Variants in CELF2 observed in about 807,000 individuals in gnomAD.
CELF2 encodes CUGBP Elav-like family member 2.
In CELF2, 8 loss-of-function variants were observed where a neutral mutation model predicts 62.6. The observed-to-expected ratio is 0.13, with a 90% CI of 0.07 to 0.23. The LOEUF is 0.23. Ranked by LOEUF, CELF2 falls within the 10% of genes least tolerant of loss-of-function variation. CELF2 has a pLI of 1.00. For synonymous variants in CELF2, 258 were observed against 250.0 expected, an observed-to-expected ratio of 1.03 and a Z score of -0.30; for missense variants, 333 against 671.0, an observed-to-expected ratio of 0.50 and a Z score of 5.56.
the CELF2 span, among the ~76,000 whole-genome samples, chr10:10,644,961 G>C: frequency 6.6e-5 from 10 of 152,184 alleles, no homozygotes; most frequent in Middle Eastern, 3.2e-3. Flanking sequence ...TCAAGGCACT[G>C]TGTGGAAAAT....
intron 1 of CELF2, among the ~76,000 whole-genome samples, chr10:11,155,621 G>A (rs992225994): frequency 1.3e-5 from 2 of 152,248 alleles, no homozygotes; most frequent in Non-Finnish European, 2.9e-5. Flanking sequence ...GAGTTTGAAG[G>A]CATTTTTGGG....
intron 1 of CELF2, among the ~76,000 whole-genome samples, chr10:11,085,259 A>G (rs61830440): frequency 0.023 from 3,526 of 152,336 alleles, 71 homozygotes; most frequent in South Asian, 0.049. Flanking sequence ...CTAGACCCAA[A>G]GTAAAGTGCT....
intron 1 of CELF2, among the ~76,000 whole-genome samples, chr10:10,845,086 A>C (rs2058925950): frequency 6.6e-6 from 1 of 152,130 alleles, no homozygotes; most frequent in Admixed American, 6.6e-5. Context: ...CACAGCCTGT[A>C]ATATTTAAAT....
the CELF2 span, among the ~76,000 whole-genome samples, chr10:10,557,528 G>A: frequency 8.2e-3 from 1,194 of 146,180 alleles, 11 homozygotes; most frequent in Non-Finnish European, 0.012. Flanking sequence ...CTCTTTTTTG[G>A]TTCCATATGA....
intron 1 of CELF2, among the ~76,000 whole-genome samples, chr10:11,119,138 T>C (rs2057190034): frequency 6.6e-6 from 1 of 152,218 alleles, no homozygotes; most frequent in Non-Finnish European, 1.5e-5. Context: ...TGCCACCATG[T>C]CACCTTCTGT....
At chr10:10,466,259 G>A in the CELF2 span, among the ~76,000 whole-genome samples, 2 of 152,110 alleles carry the variant, frequency 1.3e-5, no homozygotes, top group South Asian at 2.1e-4. Context: ...TTTGTATTCT[G>A]TCACTATAGA....
intron 2 of CELF2, among the ~76,000 whole-genome samples, chr10:11,216,707 G>A (rs1228265262): frequency 3.9e-5 from 6 of 152,160 alleles, no homozygotes; most frequent in Admixed American, 1.3e-4. Flanking sequence ...CGGAAGGGCC[G>A]GGGACTCCCA....
At position 11,177,276 on chromosome 10, in the gene CELF2, C is replaced by T. The variant is rs924909580; in HGVS notation, c.271+11594C>T. Among the ~76,000 whole-genome samples the T allele has an allele frequency of 6.6e-6, 1 of 152,090 alleles. No individual in the cohort carries two copies. Among genetic ancestry groups the T allele is most frequent in the Admixed American group, 6.5e-5 (1 of 15,274 alleles). ...TAGCAATTCTGAGTAAGTTCCTTCT[C>T]ATGTAGTTAATGCAGCATGATGAAA... is the stretch of plus-strand genomic sequence containing the variant. On this transcript the variant is annotated intron_variant, in intron 2 of 12. Transcript: ENST00000633077. This position sits in a 1 kb window ranked among gnomAD's most constrained non-coding sequence, Gnocchi z 4.8.
chr10:10,747,894 T>C, the CELF2 span, among the ~76,000 whole-genome samples: 1 of 152,250 alleles, frequency 6.6e-6, no homozygotes, highest in South Asian at 2.1e-4. Flanking sequence ...CTTCTCTTAG[T>C]AGAGATGGGG....
chr10:10,821,009 A>C (rs1412138330), intron 1 of CELF2, among the ~76,000 whole-genome samples: 1 of 152,222 alleles, frequency 6.6e-6, no homozygotes, highest in Non-Finnish European at 1.5e-5. Context: ...GGCTAGAGAA[A>C]AGTGGATAGA....
chr10:10,691,130 A>T, the CELF2 span, among the ~76,000 whole-genome samples: 2 of 151,772 alleles, frequency 1.3e-5, no homozygotes, highest in Non-Finnish European at 2.9e-5. Flanking sequence ...AGCATTAGGT[A>T]TATCTCCCAG....
Position 11,017,983 on chromosome 10 carries a change from C to A in CELF2, c.-107C>A. On this transcript the variant is annotated 5_prime_UTR_variant, in exon 1 of 13. Transcript: ENST00000633077. This position sits in a 1 kb window ranked among gnomAD's most constrained non-coding sequence, Gnocchi z 5.5. ...GTGACAAGTGCCGGCTCGGCGGCCG[C>A]CGGGGGAGGCCGCGCGCACCTGTCC... is the stretch of plus-strand genomic sequence containing the variant. The A allele has an allele frequency of 2.0e-6, 2 of 992,326 alleles. No individual in the cohort carries two copies. Among genetic ancestry groups the A allele is most frequent in the Non-Finnish European group, 2.4e-6 (2 of 835,654 alleles). 61.5% of individuals were successfully genotyped at this position (992,326 alleles called of 1,614,324 possible). A position where few individuals can be genotyped will look rare whatever the true frequency, so the allele number is the denominator to read the frequency against.
At chr10:10,989,824 A>G (rs1266139510) in intron 2 of CELF2, among the ~76,000 whole-genome samples, 3 of 152,152 alleles carry the variant, frequency 2.0e-5, no homozygotes, top group African/African-American at 7.2e-5. Flanking sequence ...TGACTAAAGC[A>G]CATAAACTGA....
At position 11,220,858 on chromosome 10, in the gene CELF2, G is replaced by T. The variant is rs1305939359; in HGVS notation, c.354+3351G>T. Among the ~76,000 whole-genome samples the T allele has an allele frequency of 1.3e-5, 2 of 152,216 alleles. No homozygotes were observed. Among genetic ancestry groups the T allele is most frequent in the Non-Finnish European group, 2.9e-5 (2 of 68,046 alleles). On this transcript the variant is annotated intron_variant, in intron 3 of 12. Transcript: ENST00000633077. This position sits in a 1 kb window ranked among gnomAD's most constrained non-coding sequence, Gnocchi z 4.4. ...ACATTTCATGAGATTAATCCCAAAT[G>T]ATCATGGAGTGCCTACAGTGTGCCT...
chr10:10,607,352 C>T, the CELF2 span, among the ~76,000 whole-genome samples: 69 of 152,220 alleles, frequency 4.5e-4, no homozygotes, highest in Admixed American at 3.0e-3. Flanking sequence ...ACCTGACAGC[C>T]TAACAAAACG....
chr10:10,677,255 T>TA, the CELF2 span, among the ~76,000 whole-genome samples: 1 of 152,216 alleles, frequency 6.6e-6, no homozygotes, highest in Non-Finnish European at 1.5e-5. Flanking sequence ...GAGTGGGTCT[T>TA]ACGCTTGTGG....
intron 1 of CELF2, among the ~76,000 whole-genome samples, chr10:10,903,889 G>A (rs1315100737): frequency 6.6e-6 from 1 of 152,216 alleles, no homozygotes; most frequent in Non-Finnish European, 1.5e-5. Context: ...CCCAGGTCAT[G>A]CATGCCTGCA....
intron 1 of CELF2, among the ~76,000 whole-genome samples, chr10:11,084,182 T>TC (rs1405086313): frequency 6.6e-6 from 1 of 152,236 alleles, no homozygotes; most frequent in Admixed American, 6.5e-5. Flanking sequence ...GTAAAATAAT[T>TC]CAATTCCACA....
the CELF2 span, among the ~76,000 whole-genome samples, chr10:10,705,078 C>G: frequency 2.0e-5 from 3 of 152,128 alleles, no homozygotes; most frequent in South Asian, 6.2e-4. Context: ...CCTGGCTACT[C>G]AGGAGTCTGA....
Sources: gnomAD v4.1 joint callset for allele counts (sites outside exome capture counted in the v4.1 genomes callset) on GRCh38, gnomAD v4.1.1 for gene constraint, Gnocchi (gnomAD v3.1) non-coding constraint, MANE v1.5 for transcripts, NCBI Gene and HGNC (gene_info 2026-07-23, HGNC 2026-07-21) for gene names.